The following TTC34 variants were observed in gnomAD, a reference collection of about 807,000 sequenced individuals.
The protein encoded by TTC34 is tetratricopeptide repeat domain 34.
Under a neutral mutation model 40.7 loss-of-function variants are expected in TTC34, and 44 were observed. That is an observed-to-expected ratio of 1.08 (90% CI 0.85 to 1.39). TTC34 has a LOEUF of 1.39. Ranked by LOEUF, TTC34 falls within the 40% of genes most tolerant of loss-of-function variation. The pLI, the probability that TTC34 is intolerant of heterozygous loss-of-function variation, is 0.00. For missense variants in TTC34, 884 were observed against 838.0 expected (o/e 1.05, Z -0.68); for synonymous variants, 422 against 398.6 (o/e 1.06, Z -0.70).
intron 6 of TTC34, among the ~76,000 whole-genome samples, chr1:2,689,996 CA>C (rs1640541834): frequency 7.3e-6 from 1 of 137,346 alleles, no homozygotes. Context: ...GAGCATCTGA[CA>C]GCCTGGAACA....
At chr1:2,683,705 C>T (rs1193995690) in intron 6 of TTC34, among the ~76,000 whole-genome samples, 3 of 148,658 alleles carry the variant, frequency 2.0e-5, no homozygotes, top group African/African-American at 5.1e-5. Context: ...CCTGGAACAG[C>T]ACCCACACCC....
intron 2 of TTC34, among the ~76,000 whole-genome samples, chr1:2,797,502 C>T (rs906821995): frequency 6.6e-6 from 1 of 152,212 alleles, no homozygotes; most frequent in Non-Finnish European, 1.5e-5. Context: ...TCAGGGCTCA[C>T]CTGTCTGGCT....
chr1:2,789,601 C>T (rs1643638022), exon 3 of TTC34: 2 of 1,400,246 alleles, frequency 1.4e-6, no homozygotes, highest in Admixed American at 3.1e-5. Context: ...TCCCACGGGC[C>T]TCCTCCCGCA....
exon 9 of TTC34, chr1:2,641,799 C>T: frequency 6.5e-7 from 1 of 1,535,244 alleles, no homozygotes. Context: ...AGGTGACAGG[C>T]ACTGCTGCCA....
chr1:2,768,010 G>C (rs1001759006), intron 6 of TTC34, among the ~76,000 whole-genome samples: 1 of 151,186 alleles, frequency 6.6e-6, no homozygotes, highest in South Asian at 2.1e-4. Context: ...GTCCCCTCAG[G>C]TGAGCATCTG....
At chr1:2,787,534 C>T (rs1343641042) in exon 4 of TTC34, 1 of 1,534,882 alleles carries the variant, frequency 6.5e-7, no homozygotes, top group Non-Finnish European at 8.8e-7. Context: ...GCCAGTCGTG[C>T]CAGCACAGGG....
intron 6 of TTC34, among the ~76,000 whole-genome samples, chr1:2,651,534 G>C (rs947827502): frequency 6.6e-6 from 1 of 151,112 alleles, no homozygotes; most frequent in Non-Finnish European, 1.5e-5. Flanking sequence ...GTGAGAATCT[G>C]ACAGCCTGGA....
intron 6 of TTC34, among the ~76,000 whole-genome samples, chr1:2,769,545 A>C (rs1569761696): frequency 2.3e-5 from 2 of 88,130 alleles, no homozygotes; most frequent in African/African-American, 5.2e-5. Flanking sequence ...GCAGCACCCC[A>C]CACCTCCAGG....
intron 8 of TTC34, among the ~76,000 whole-genome samples, chr1:2,643,858 AC>A (rs1638964368): frequency 6.6e-6 from 1 of 152,242 alleles, no homozygotes; most frequent in African/African-American, 2.4e-5. Context: ...TGCCTCTGGG[AC>A]CCCAAAGCCT....
exon 9 of TTC34, chr1:2,641,347 C>A: frequency 6.8e-7 from 1 of 1,474,250 alleles, no homozygotes. Flanking sequence ...GTGATTAGGG[C>A]TGGGAGAGGG....
chr1:2,695,710 C>A (rs61765756), intron 6 of TTC34, among the ~76,000 whole-genome samples: 6 of 147,486 alleles, frequency 4.1e-5, no homozygotes, highest in Non-Finnish European at 3.0e-5. Flanking sequence ...GGAACAGCAC[C>A]CACACCCCCA....
chr1:2,683,569 G>A (rs1375161959), intron 6 of TTC34, among the ~76,000 whole-genome samples: 16 of 139,204 alleles, frequency 1.1e-4, no homozygotes, highest in Non-Finnish European at 1.8e-4. Flanking sequence ...GTGAGCATCC[G>A]ACAGCCTGGA....
rs1487602630 is a variant in TTC34, at chr1:2,757,837, G to A, written c.2226+25772C>T. On this transcript the variant is annotated intron_variant, in intron 6 of 8. Coordinates refer to ENST00000401095, the Ensembl canonical transcript of TTC34. Reference sequence around the variant, plus strand: ...GCCTGGAGCAGCACCCACACCCCCAGGTGCGCATCTGATGGTCTGGAGCAG... The same window carrying A: ...GCCTGGAGCAGCACCCACACCCCCAAGTGCGCATCTGATGGTCTGGAGCAG... Among the ~76,000 whole-genome samples the A allele has an allele frequency of 2.6e-4, 38 of 148,170 alleles. 2 individuals are homozygous for A. The highest frequency in any genetic ancestry group is 2.7e-4 in the African/African-American group (11 of 40,098).
exon 3 of TTC34, chr1:2,789,783 C>G: frequency 1.9e-6 from 1 of 529,874 alleles, no homozygotes; most frequent in Non-Finnish European, 3.1e-6. Flanking sequence ...ACACAGCCCC[C>G]CGGGTGCGGC....
intron 6 of TTC34, among the ~76,000 whole-genome samples, chr1:2,758,968 C>A (rs1358973839): frequency 4.7e-4 from 7 of 14,978 alleles, no homozygotes; most frequent in Non-Finnish European, 7.2e-4. Flanking sequence ...TCCAGGTTAG[C>A]CTCTGACGGG....
Position 2,652,935 on chromosome 1 carries a change from G to A in TTC34, c.2227-7372C>T, listed in dbSNP as rs1366157858. Among the ~76,000 whole-genome samples the A allele has an allele frequency of 3.9e-5, 6 of 152,258 alleles. No homozygotes were observed. The East Asian group carries it at 9.7e-4, about 24-fold the overall frequency. ...TGGAGCAGCGCCCACACCCCCAGGC[G>A]AGCATCTGACAGCCTGGAGCAGTGC... On this transcript the variant is annotated intron_variant, in intron 6 of 8. Coordinates refer to ENST00000401095, the Ensembl canonical transcript of TTC34.
intron 6 of TTC34, among the ~76,000 whole-genome samples, chr1:2,688,499 G>C (rs1283682786): frequency 8.1e-6 from 1 of 123,096 alleles, no homozygotes; most frequent in Non-Finnish European, 1.6e-5. Context: ...ACCCACAGGT[G>C]AGCATCTGAC....
chr1:2,753,507 G>T (rs1350571780), intron 6 of TTC34, among the ~76,000 whole-genome samples: 1 of 76,056 alleles, frequency 1.3e-5, no homozygotes, highest in Admixed American at 1.3e-4. Context: ...CCCCAGGCGA[G>T]CATCGGACGG....
chr1:2,785,000 C>T (rs374860302), intron 5 of TTC34, among the ~76,000 whole-genome samples: 17 of 38,670 alleles, frequency 4.4e-4, no homozygotes, highest in South Asian at 2.5e-3. Flanking sequence ...TGCTCTGGGC[C>T]GCTCTGGGCC....
Sources: gnomAD v4.1 joint callset for allele counts (sites outside exome capture counted in the v4.1 genomes callset) on GRCh38, gnomAD v4.1.1 for gene constraint, MANE v1.5 for transcripts, NCBI Gene and HGNC (gene_info 2026-07-23, HGNC 2026-07-21) for gene names.